ALDH1L1: variants seen among roughly 807,000 people sequenced by gnomAD.
ALDH1L1 encodes cytosolic 10-formyltetrahydrofolate dehydrogenase.
ALDH1L1 carries 68 observed loss-of-function variants against 101.1 expected under a neutral mutation model. That is an observed-to-expected ratio of 0.67 (90% CI 0.55 to 0.82). ALDH1L1 has a LOEUF of 0.82. Among genes scored for constraint, ALDH1L1 ranks in the 40% least tolerant of loss-of-function variants. The pLI, the probability that ALDH1L1 is intolerant of heterozygous loss-of-function variation, is 0.00. For synonymous variants in ALDH1L1, 486 were observed against 470.8 expected, an observed-to-expected ratio of 1.03 and a Z score of -0.42; for missense variants, 1,087 against 1,172.7, an observed-to-expected ratio of 0.93 and a Z score of 1.07.
At chr3:126,131,011 G>A (rs955567967) in intron 13 of ALDH1L1, among the ~76,000 whole-genome samples, 1 of 152,230 alleles carries the variant, frequency 6.6e-6, no homozygotes, top group Non-Finnish European at 1.5e-5. Context: ...TGCTGCCGCT[G>A]GGAGATACAG....
At chr3:126,178,380 C>CAAAAAAAAAAAAAAAGAAA (rs1397149719) in intron 1 of ALDH1L1, among the ~76,000 whole-genome samples, 1 of 73,426 alleles carries the variant, frequency 1.4e-5, no homozygotes, top group Admixed American at 1.4e-4. Flanking sequence ...GACCCTGTCT[C>CAAAAAAAAAAAAAAAGAAA]AAAAAAAAAA....
chr3:126,126,454 G>A (rs9862519), intron 14 of ALDH1L1, among the ~76,000 whole-genome samples: 11,320 of 152,178 alleles, frequency 0.074, 1,237 homozygotes, highest in African/African-American at 0.24. Flanking sequence ...GGCTCCTGTC[G>A]CCACCCCACC....
intron 1 of ALDH1L1, among the ~76,000 whole-genome samples, chr3:126,192,437 T>C (rs544123653): frequency 6.6e-6 from 1 of 152,326 alleles, no homozygotes; most frequent in South Asian, 2.1e-4. Context: ...AAGAAGCCTA[T>C]AAACATTTGG....
intron 1 of ALDH1L1, among the ~76,000 whole-genome samples, chr3:126,178,391 A>G (rs1463032170): frequency 0.016 from 2,121 of 135,884 alleles, 46 homozygotes; most frequent in African/African-American, 0.059. Context: ...AAAAAAAAAA[A>G]AAAAGAAAAA....
rs2081399020 is a variant in ALDH1L1, at chr3:126,178,216, C to A, written c.-24+2260G>T. On this transcript the variant is annotated intron_variant, in intron 1 of 22. Transcript: ENST00000393434. Reference sequence around the variant, plus strand: ...GGCAACAAAGTGAGACCCATCTCTACAAAAAAATTTTTAAATTAGCCAGGC... The same window carrying A: ...GGCAACAAAGTGAGACCCATCTCTAAAAAAAAATTTTTAAATTAGCCAGGC... Among the ~76,000 whole-genome samples the A allele has an allele frequency of 2.0e-5, 3 of 151,394 alleles. No homozygotes were observed. In the South Asian group the frequency reaches 6.3e-4, roughly 32 times the overall value.
chr3:126,124,279 C>T (rs894718601), intron 16 of ALDH1L1, 85 bp downstream of exon 16: 21 of 1,250,566 alleles, frequency 1.7e-5, no homozygotes, highest in South Asian at 3.1e-5. Flanking sequence ...TCTGCCCTCA[C>T]GCCACTATCC....
Position 126,105,722 on chromosome 3 carries a change from T to C in ALDH1L1, c.2653+4A>G. On this transcript the variant is annotated splice_donor_region_variant and intron_variant, in intron 22 of 22. Coordinates refer to ENST00000393434, the MANE Select transcript of ALDH1L1 (RefSeq NM_012190.4). ...AAGCAACCCCACAGGCAGGAGTAGG[T>C]TACCTAGATCTTTGCCAAATCCAGA... 1 of 1,614,172 alleles carries C rather than the reference T, an allele frequency of 6.2e-7. No individual in the cohort carries two copies. The highest frequency in any genetic ancestry group is 8.5e-7 in the Non-Finnish European group (1 of 1,180,006).
intron 1 of ALDH1L1, among the ~76,000 whole-genome samples, chr3:126,174,028 G>A (rs2081328993): frequency 6.6e-6 from 1 of 152,192 alleles, no homozygotes. Flanking sequence ...ACACCTCTCT[G>A]TCAGTCCCCA....
chr3:126,178,396 G>GA lies in ALDH1L1; in HGVS notation c.-24+2079dup, dbSNP rs60923667. Among the ~76,000 whole-genome samples the GA allele has an allele frequency of 2.3e-3, 284 of 123,452 alleles. 1 individual carries two copies. The highest frequency in any genetic ancestry group is 4.8e-3 in the South Asian group (18 of 3,728). 81.0% of individuals were successfully genotyped at this position (123,452 alleles called of 152,430 possible). A position where few individuals can be genotyped will look rare whatever the true frequency, so the allele number is the denominator to read the frequency against. ...ACCCTGTCTCAAAAAAAAAAAAAAA[G>GA]AAAAAAAAAAAAAGAAAGGAAAAGA... On this transcript the variant is annotated intron_variant, in intron 1 of 22. Coordinates refer to ENST00000393434, the MANE Select transcript of ALDH1L1 (RefSeq NM_012190.4).
chr3:126,135,351 A>T (rs982654760), intron 12 of ALDH1L1, 184 bp downstream of exon 12: 1 of 680,708 alleles, frequency 1.5e-6, no homozygotes, highest in Non-Finnish European at 2.3e-6. Flanking sequence ...CCTTCCTCTG[A>T]GAAGCCTTTT....
intron 1 of ALDH1L1, among the ~76,000 whole-genome samples, chr3:126,162,357 C>T (rs1045999830): frequency 6.6e-6 from 1 of 152,160 alleles, no homozygotes; most frequent in Non-Finnish European, 1.5e-5. Context: ...TTCATTTTAG[C>T]GCTTTTCCTA....
upstream of ALDH1L1, among the ~76,000 whole-genome samples, chr3:126,184,926 T>C (rs150018672): frequency 4.0e-3 from 602 of 152,282 alleles, 7 homozygotes; most frequent in African/African-American, 0.014. Context: ...CTTTATCTCC[T>C]AGGATGCCTC....
intron 9 of ALDH1L1, among the ~76,000 whole-genome samples, chr3:126,143,397 G>A (rs140082785): frequency 2.6e-5 from 4 of 152,160 alleles, no homozygotes; most frequent in Admixed American, 6.5e-5. Context: ...GGGATGGAGC[G>A]GGACAGCATG....
rs920919650 is a variant in ALDH1L1, at chr3:126,110,048, G to A, written c.2243C>T (p.Pro748Leu). The A allele has an allele frequency of 3.7e-5, 59 of 1,614,088 alleles. No homozygotes were observed. Among genetic ancestry groups the A allele is most frequent in the Non-Finnish European group, 4.7e-5 (56 of 1,180,046 alleles). Residue 748 changes from proline to leucine, a missense_variant, in exon 20 of 23, where the codon CCG becomes CTG. By Grantham distance (98) the Pro-to-Leu change is moderately conservative. Coordinates refer to ENST00000393434, the MANE Select transcript of ALDH1L1 (RefSeq NM_012190.4). ...NPLDRDTDHG[P>L]QNHHAHLVKL... ...CACAAGGTGGGCATGGTGATTCTGC[G>A]GCCCGTGGTCGGTGTCCCTGTCCAG...
upstream of ALDH1L1, among the ~76,000 whole-genome samples, chr3:126,185,991 T>C (rs545075935): frequency 8.1e-4 from 123 of 151,960 alleles, no homozygotes; most frequent in African/African-American, 2.9e-3. Flanking sequence ...CTCATGTTCA[T>C]AGAGACAGAA....
chr3:126,136,925 G>A (rs756828955), intron 10 of ALDH1L1, 42 bp from the exon 11 acceptor site: 1 of 1,611,308 alleles, frequency 6.2e-7, no homozygotes, highest in Non-Finnish European at 8.5e-7. Flanking sequence ...CCCATGCAGG[G>A]TGCAGGAAGC....
chr3:126,141,479 A>T (rs1047253850), intron 9 of ALDH1L1, among the ~76,000 whole-genome samples: 4 of 152,128 alleles, frequency 2.6e-5, no homozygotes, highest in Non-Finnish European at 4.4e-5. Flanking sequence ...TAACACATGT[A>T]AAAATATTGA....
Position 126,135,515 on chromosome 3 carries a change from GGTACAT to G in ALDH1L1, c.1472+14_1472+19del. On this transcript the variant is annotated intron_variant, in intron 12 of 22. Coordinates refer to ENST00000393434, the MANE Select transcript of ALDH1L1 (RefSeq NM_012190.4). ...AAGCTGATGGTGGCAGTGGCTGGCAGGTACATGTTGGGCTCCCACCTGTACATCAGC... is the reference window on the plus strand; with the variant it reads ...AAGCTGATGGTGGCAGTGGCTGGCAGGTTGGGCTCCCACCTGTACATCAGC... 6.2e-7 allele frequency: 1 copy of G among 1,600,120 alleles called. No individual in the cohort carries two copies. Among genetic ancestry groups the G allele is most frequent in the Non-Finnish European group, 8.5e-7 (1 of 1,176,224 alleles).
At chr3:126,130,766 G>T (rs1416434341) in intron 13 of ALDH1L1, among the ~76,000 whole-genome samples, 2 of 152,328 alleles carry the variant, frequency 1.3e-5, no homozygotes, top group Admixed American at 6.5e-5. Context: ...TGGCAGAGAC[G>T]CCATGAGTCC....
Sources: gnomAD v4.1 joint callset for allele counts (sites outside exome capture counted in the v4.1 genomes callset) on GRCh38, gnomAD v4.1.1 for gene constraint, MANE v1.5 for transcripts, NCBI Gene and HGNC (gene_info 2026-07-23, HGNC 2026-07-21) for gene names.